ZNF804B: variants seen among roughly 807,000 people sequenced by gnomAD.
ZNF804B encodes zinc finger 804B.
A neutral mutation model predicts 101.4 loss-of-function variants in ZNF804B; 80 were observed. The ratio of observed to expected loss-of-function variants is 0.79; its 90% CI spans 0.66 to 0.95. ZNF804B has a LOEUF of 0.95. Ranked by LOEUF, ZNF804B falls within the 40% of genes least tolerant of loss-of-function variation. The pLI, the probability that ZNF804B is intolerant of heterozygous loss-of-function variation, is 0.00. For missense variants in ZNF804B, 1,673 were observed against 1,561.9 expected, an observed-to-expected ratio of 1.07 and a Z score of -1.20; for synonymous variants, 622 against 558.8, an observed-to-expected ratio of 1.11 and a Z score of -1.59.
Position 88,785,986 on chromosome 7 carries a change from A to G in ZNF804B, c.108+25902A>G, listed in dbSNP as rs367918192. Among the ~76,000 whole-genome samples, 14 of 152,154 alleles carry G rather than the reference A, an allele frequency of 9.2e-5. No homozygotes were observed. The East Asian group carries it at 1.5e-3, about 17-fold the overall frequency. ...TATTATAATTGTTTAATTTCCTTTTATATGTCTGGGGTGAAGGGAGAAAGA... is the reference window on the plus strand; with the variant it reads ...TATTATAATTGTTTAATTTCCTTTTGTATGTCTGGGGTGAAGGGAGAAAGA... On this transcript the variant is annotated intron_variant, in intron 1 of 3. Coordinates refer to ENST00000333190, the MANE Select transcript of ZNF804B (RefSeq NM_181646.5).
At chr7:89,086,682 T>C (rs925706110) in intron 1 of ZNF804B, among the ~76,000 whole-genome samples, 3 of 152,018 alleles carry the variant, frequency 2.0e-5, no homozygotes, top group African/African-American at 7.2e-5. Flanking sequence ...GGTTGTATGA[T>C]GCTGAACCAT....
intron 2 of ZNF804B, among the ~76,000 whole-genome samples, chr7:89,265,843 T>C (rs556184288): frequency 6.6e-6 from 1 of 152,296 alleles, no homozygotes; most frequent in South Asian, 2.1e-4. Flanking sequence ...CAGGCATGGA[T>C]AGAAATCATC....
intron 1 of ZNF804B, among the ~76,000 whole-genome samples, chr7:89,155,166 T>G (rs571421599): frequency 6.6e-6 from 1 of 152,292 alleles, no homozygotes; most frequent in African/African-American, 2.4e-5. Context: ...TGTTTCAGAT[T>G]TCTCTCTTGG....
chr7:89,005,023 T>C (rs2116180022), intron 1 of ZNF804B, among the ~76,000 whole-genome samples: 1 of 152,158 alleles, frequency 6.6e-6, no homozygotes, highest in South Asian at 2.1e-4. Flanking sequence ...AAAGTACCAT[T>C]CTGAGTGGCC....
intron 2 of ZNF804B, among the ~76,000 whole-genome samples, chr7:89,313,254 A>G (rs1000884473): frequency 1.3e-5 from 2 of 152,232 alleles, no homozygotes; most frequent in Non-Finnish European, 2.9e-5. Context: ...CATCTTTAAA[A>G]TTAGGTTAAT....
chr7:88,831,842 A>G (rs1009935528), intron 1 of ZNF804B, among the ~76,000 whole-genome samples: 2 of 151,822 alleles, frequency 1.3e-5, no homozygotes, highest in African/African-American at 4.8e-5. Context: ...ATATATTCAC[A>G]AGTTTTGTCA....
chr7:89,163,130 C>A (rs1390316720), intron 1 of ZNF804B, among the ~76,000 whole-genome samples: 1 of 151,962 alleles, frequency 6.6e-6, no homozygotes, highest in East Asian at 1.9e-4. Flanking sequence ...AAAGATAAAG[C>A]CAAGTTTGGT....
intron 1 of ZNF804B, among the ~76,000 whole-genome samples, chr7:89,133,657 T>C (rs1790585144): frequency 6.6e-6 from 1 of 152,064 alleles, no homozygotes; most frequent in African/African-American, 2.4e-5. Flanking sequence ...CAGTGATTGC[T>C]CCTAATACAG....
At chr7:89,003,237 A>G (rs565725017) in intron 1 of ZNF804B, among the ~76,000 whole-genome samples, 27 of 152,092 alleles carry the variant, frequency 1.8e-4, no homozygotes, top group Non-Finnish European at 3.4e-4. Flanking sequence ...CAGCAATGTA[A>G]CAGTTCTCCA....
intron 1 of ZNF804B, among the ~76,000 whole-genome samples, chr7:89,184,358 T>C (rs1022926173): frequency 6.6e-6 from 1 of 152,216 alleles, no homozygotes; most frequent in African/African-American, 2.4e-5. Flanking sequence ...TTATAGATTA[T>C]GCAACAGTTA....
chr7:88,791,154 A>G (rs1342980262), intron 1 of ZNF804B, among the ~76,000 whole-genome samples: 3 of 152,088 alleles, frequency 2.0e-5, no homozygotes, highest in Non-Finnish European at 4.4e-5. Context: ...TAATTTGGAG[A>G]TCAAAAATTA....
chr7:88,874,471 C>T (rs1791891614), intron 1 of ZNF804B, among the ~76,000 whole-genome samples: 1 of 152,126 alleles, frequency 6.6e-6, no homozygotes, highest in South Asian at 2.1e-4. Context: ...TTTTCTTCTC[C>T]TGCCTAATTG....
chr7:89,319,919 C>T (rs1297413261), intron 2 of ZNF804B, among the ~76,000 whole-genome samples: 7 of 152,060 alleles, frequency 4.6e-5, no homozygotes, highest in Admixed American at 2.0e-4. Context: ...ATATTATATG[C>T]ATTAATCTGT....
Position 89,218,270 on chromosome 7 carries a change from A to G in ZNF804B, c.224A>G (p.Asn75Ser), listed in dbSNP as rs755151942. The G allele has an allele frequency of 6.8e-5, 109 of 1,613,606 alleles. No individual in the cohort carries two copies. The highest frequency in any genetic ancestry group is 9.0e-5 in the Non-Finnish European group (106 of 1,179,804). The change falls in exon 2 of 4, where the codon AAT becomes AGT. Residue 75 changes from asparagine to serine, a missense_variant. Physicochemically the swap from Asn to Ser is conservative, Grantham distance 46. Transcript: ENST00000333190. ...CACCAGGAGTTTGACAATCATATTA[A>G]TTCTTATGACCATGCTCATAAGCAG... is the stretch of plus-strand genomic sequence containing the variant. ...HKHQEFDNHI[N>S]SYDHAHKQRL... is the part of the protein sequence containing the mutation.
At chr7:88,882,986 G>C (rs539243568) in intron 1 of ZNF804B, among the ~76,000 whole-genome samples, 1 of 151,984 alleles carries the variant, frequency 6.6e-6, no homozygotes, top group East Asian at 1.9e-4. Flanking sequence ...ATCTGCACAT[G>C]TACCCCCTGA....
intron 2 of ZNF804B, among the ~76,000 whole-genome samples, chr7:89,241,733 G>A (rs1373144491): frequency 3.3e-5 from 5 of 151,696 alleles, no homozygotes; most frequent in Non-Finnish European, 7.4e-5. Context: ...CATATGAAGA[G>A]TTCACACATT....
chr7:88,957,839 A>G (rs1301894480), intron 1 of ZNF804B, among the ~76,000 whole-genome samples: 1 of 151,382 alleles, frequency 6.6e-6, no homozygotes, highest in African/African-American at 2.4e-5. Context: ...AAATAAATGT[A>G]AAAGAAGATG....
At chr7:89,072,776 T>C (rs977458387) in intron 1 of ZNF804B, among the ~76,000 whole-genome samples, 2 of 152,116 alleles carry the variant, frequency 1.3e-5, no homozygotes, top group Non-Finnish European at 2.9e-5. Flanking sequence ...TTATTTCAAC[T>C]CTATTTAGGG....
chr7:89,200,570 A>G (rs563719695), intron 1 of ZNF804B, among the ~76,000 whole-genome samples: 2 of 152,148 alleles, frequency 1.3e-5, no homozygotes, highest in South Asian at 2.1e-4. Flanking sequence ...ATTGATGCCC[A>G]TAGATGTAAA....
Sources: gnomAD v4.1 joint callset for allele counts (sites outside exome capture counted in the v4.1 genomes callset) on GRCh38, gnomAD v4.1.1 for gene constraint, MANE v1.5 for transcripts, NCBI Gene and HGNC (gene_info 2026-07-23, HGNC 2026-07-21) for gene names.